DSCAML1: variants seen among roughly 807,000 people sequenced by gnomAD.
The protein encoded by DSCAML1 is cell adhesion molecule DSCAML1.
A neutral mutation model predicts 200.5 loss-of-function variants in DSCAML1; 38 were observed. The observed-to-expected ratio is 0.19, with a 90% confidence interval of 0.15 to 0.25. The LOEUF is 0.25. Among genes scored for constraint, DSCAML1 ranks in the 10% least tolerant of loss-of-function variants. DSCAML1 has a pLI of 1.00. For synonymous variants in DSCAML1, 1,215 were observed against 1,165.0 expected (o/e 1.04, Z -0.87); for missense variants, 2,223 against 2,858.8 (o/e 0.78, Z 5.07).
intron 8 of DSCAML1, among the ~76,000 whole-genome samples, chr11:117,507,082 C>G (rs993232935): frequency 6.7e-6 from 1 of 150,214 alleles, no homozygotes; most frequent in African/African-American, 2.4e-5. Context: ...CCTCCTTTCT[C>G]GGCTCTGGCT....
At chr11:117,614,415 G>A (rs1330584130) in intron 3 of DSCAML1, among the ~76,000 whole-genome samples, 1 of 152,196 alleles carries the variant, frequency 6.6e-6, no homozygotes, top group Non-Finnish European at 1.5e-5. Flanking sequence ...CTGGGGCGCA[G>A]TGTGGCCATT....
At chr11:117,432,689 G>C (rs1387861043) in intron 29 of DSCAML1, among the ~76,000 whole-genome samples, 185 bp from the exon 30 acceptor site, 2 of 151,940 alleles carry the variant, frequency 1.3e-5, no homozygotes, top group Non-Finnish European at 2.9e-5. Context: ...GCTCACTGCA[G>C]CCGCCTCAAT....
intron 3 of DSCAML1, among the ~76,000 whole-genome samples, chr11:117,598,559 C>A (rs2051405038): frequency 6.6e-6 from 1 of 152,220 alleles, no homozygotes; most frequent in Non-Finnish European, 1.5e-5. Flanking sequence ...TATGGGCCCC[C>A]ATGCCCCACT....
chr11:117,667,122 A>G (rs1030743770), intron 3 of DSCAML1, among the ~76,000 whole-genome samples: 3 of 152,126 alleles, frequency 2.0e-5, no homozygotes, highest in South Asian at 2.1e-4. Context: ...GACAAAGTCA[A>G]TGTTGGTGGT....
chr11:117,677,590 C>G (rs989861197), intron 3 of DSCAML1, among the ~76,000 whole-genome samples: 1 of 151,962 alleles, frequency 6.6e-6, no homozygotes, highest in Non-Finnish European at 1.5e-5. Context: ...GCAGAGGGAG[C>G]AGAGAAGGTT....
intron 3 of DSCAML1, among the ~76,000 whole-genome samples, chr11:117,600,947 G>C (rs1369726667): frequency 6.6e-6 from 1 of 152,186 alleles, no homozygotes; most frequent in Non-Finnish European, 1.5e-5. Context: ...AGAGTCTTGG[G>C]AGGGCCCTGC....
chr11:117,545,805 C>T (rs2050362812), intron 3 of DSCAML1, among the ~76,000 whole-genome samples: 1 of 152,228 alleles, frequency 6.6e-6, no homozygotes, highest in Non-Finnish European at 1.5e-5. Flanking sequence ...GCCTCATCTG[C>T]ACCCTCAATC....
intron 3 of DSCAML1, among the ~76,000 whole-genome samples, chr11:117,575,137 G>C (rs1217315333): frequency 1.3e-5 from 2 of 152,202 alleles, no homozygotes; most frequent in African/African-American, 4.8e-5. Flanking sequence ...GTTGCAATGA[G>C]CTAAGATAGT....
At chr11:117,607,582 C>A (rs1489157460) in intron 3 of DSCAML1, among the ~76,000 whole-genome samples, 1 of 152,182 alleles carries the variant, frequency 6.6e-6, no homozygotes, top group Non-Finnish European at 1.5e-5. Context: ...ACCCAGAGAC[C>A]AGTAGCCAGT....
At position 117,439,812 on chromosome 11, in the gene DSCAML1, C is replaced by T; in HGVS notation, c.3980+7G>A. On this transcript the variant is annotated splice_region_variant and intron_variant, in intron 22 of 32. Transcript: ENST00000651296. Reference sequence around the variant, plus strand: ...CCACCCCATCCCTCCACTGTCCCGACACACACCTGTCCTTGGTCCACTTCA... The same window carrying T: ...CCACCCCATCCCTCCACTGTCCCGATACACACCTGTCCTTGGTCCACTTCA... 6.2e-7 allele frequency: 1 copy of T among 1,612,832 alleles called. No homozygotes were observed. The highest frequency in any genetic ancestry group is 8.5e-7 in the Non-Finnish European group (1 of 1,178,864).
chr11:117,785,633 T>G (rs2055338680), intron 1 of DSCAML1, among the ~76,000 whole-genome samples: 1 of 152,132 alleles, frequency 6.6e-6, no homozygotes, highest in Non-Finnish European at 1.5e-5. Flanking sequence ...TCCCCGACAG[T>G]GGTGCCTGAG....
chr11:117,638,294 C>T (rs2052331215), intron 3 of DSCAML1, among the ~76,000 whole-genome samples: 1 of 149,326 alleles, frequency 6.7e-6, no homozygotes, highest in African/African-American at 2.5e-5. Flanking sequence ...GCTGGTCATC[C>T]TAGTTCCACA....
intron 3 of DSCAML1, among the ~76,000 whole-genome samples, chr11:117,673,188 G>A (rs933599893): frequency 6.6e-6 from 1 of 152,168 alleles, no homozygotes; most frequent in Non-Finnish European, 1.5e-5. Context: ...AGGCAAACAC[G>A]TTTTTATTAC....
chr11:117,457,059 A>C (rs1333423933), intron 19 of DSCAML1, among the ~76,000 whole-genome samples: 1 of 152,236 alleles, frequency 6.6e-6, no homozygotes, highest in Non-Finnish European at 1.5e-5. Flanking sequence ...ACGTGGTATT[A>C]GTACTTGATG....
In DSCAML1 at chr11:117,435,692, A is replaced by G; in HGVS notation, c.4828T>C (p.Phe1610Leu). 6.2e-7 allele frequency: 1 copy of G among 1,611,538 alleles called. No individual in the cohort carries two copies. Among genetic ancestry groups the G allele is most frequent in the Non-Finnish European group, 8.5e-7 (1 of 1,177,896 alleles). ...ILATLGVALL[F>L]IVRKKRKEKR... ...TCCTTCCTCTTCTTGCGTACGATGA[A>G]GAGCAGTGCCACCCCCAGTGTGGCC... The change falls in exon 27 of 33, where the codon TTC becomes CTC. Residue 1610 changes from phenylalanine (F) to leucine (L), a missense_variant. Around this residue, in one of 7 missense-constraint regions of DSCAML1, gnomAD observed 614 missense variants for 739.1 expected, o/e 0.83. Coordinates refer to ENST00000651296, the MANE Select transcript of DSCAML1 (RefSeq NM_020693.4).
At chr11:117,472,121 T>C (rs527917188) in intron 14 of DSCAML1, 85 bp from the exon 15 acceptor site, 2 of 1,504,204 alleles carry the variant, frequency 1.3e-6, no homozygotes, top group African/African-American at 1.4e-5. Context: ...CAACCCAATA[T>C]TAAGTTGGAT....
At chr11:117,796,804 C>T (rs531942915) in intron 1 of DSCAML1, among the ~76,000 whole-genome samples, 11 of 152,306 alleles carry the variant, frequency 7.2e-5, no homozygotes, top group South Asian at 2.1e-4. Context: ...ACCACCCCTA[C>T]GGGCGCGCCC....
At chr11:117,765,696 T>C (rs1371215031) in intron 3 of DSCAML1, among the ~76,000 whole-genome samples, 1 of 152,186 alleles carries the variant, frequency 6.6e-6, no homozygotes, top group Non-Finnish European at 1.5e-5. Flanking sequence ...ATTATATACA[T>C]GGAAAATGTA....
At chr11:117,440,293 G>C (rs913238316) in intron 21 of DSCAML1, among the ~76,000 whole-genome samples, 1 of 152,202 alleles carries the variant, frequency 6.6e-6, no homozygotes, top group Non-Finnish European at 1.5e-5. Flanking sequence ...AGGAAGCCTA[G>C]GGGTGCGAGG....
Sources: allele counts gnomAD v4.1 joint callset (sites outside exome capture counted in the v4.1 genomes callset), GRCh38; gene constraint gnomAD v4.1.1; regional missense constraint gnomAD v4.1.1; transcripts MANE v1.5; gene names NCBI Gene and HGNC (gene_info 2026-07-23, HGNC 2026-07-21).